The following TAFA4 variants were observed in gnomAD, a reference collection of about 807,000 sequenced individuals.
TAFA4 encodes TAFA chemokine like family member 4, also known as chemokine-like protein TAFA-4.
TAFA4 carries 20 observed loss-of-function variants against 21.1 expected under a neutral mutation model. The observed-to-expected ratio is 0.95, with a 90% CI of 0.67 to 1.38. The LOEUF is 1.38. Ranked by LOEUF, TAFA4 falls within the 40% of genes most tolerant of loss-of-function variation. The pLI is 0.00. For synonymous variants in TAFA4, 71 were observed against 67.4 expected (o/e 1.05, Z -0.26); for missense variants, 211 against 180.9 (o/e 1.17, Z -0.95).
rs145637304 is a variant in TAFA4 at position 68,909,427 on chromosome 3, G to C, written c.-123+22813C>G. Among the ~76,000 whole-genome samples the C allele has an allele frequency of 3.8e-3, 582 of 152,206 alleles. 6 individuals carry two copies. Among genetic ancestry groups the C allele is most frequent in the African/African-American group, 0.014 (561 of 41,518 alleles). ...CACCTAGCACCTAACACAGTGCCTG[G>C]CACCAAGTAGTCCCTCAGTAAATAT... On this transcript the variant is annotated intron_variant, in intron 1 of 5. Transcript: ENST00000295569.
chr3:68,917,753 C>CAAAAAAAAAAAAAA (rs55853026), intron 1 of TAFA4, among the ~76,000 whole-genome samples: 139 of 57,924 alleles, frequency 2.4e-3, no homozygotes, highest in Non-Finnish European at 3.6e-3. Flanking sequence ...GACTCTGTCT[C>CAAAAAAAAAAAAAA]AAAAAAAAAA....
intron 3 of TAFA4, among the ~76,000 whole-genome samples, chr3:68,816,275 C>A (rs1703972661): frequency 6.6e-6 from 1 of 152,094 alleles, no homozygotes; most frequent in Non-Finnish European, 1.5e-5. Context: ...TGTAACAAAC[C>A]TGCACGTTGT....
rs75408567 is a variant in TAFA4 at position 68,873,730 on chromosome 3, T to C, written c.130+7000A>G. 7.8e-3 allele frequency among the ~76,000 whole-genome samples: 1,183 copies of C among 152,296 alleles called. 12 individuals carry two copies. Among genetic ancestry groups the C allele is most frequent in the African/African-American group, 0.027 (1,130 of 41,562 alleles). On this transcript the variant is annotated intron_variant, in intron 3 of 5. Transcript: ENST00000295569. ...GCCACTTGAAAGACAAGCCTCCCAC[T>C]ATTTCTTGCAAATGCTTTCTAAACA...
chr3:68,873,427 T>C (rs984013128), intron 3 of TAFA4, among the ~76,000 whole-genome samples: 3 of 150,816 alleles, frequency 2.0e-5, no homozygotes, highest in African/African-American at 7.3e-5. Context: ...GTTTCCAATT[T>C]CTAGATGGTA....
At chr3:68,848,328 A>C (rs1704858388) in intron 3 of TAFA4, among the ~76,000 whole-genome samples, 1 of 152,180 alleles carries the variant, frequency 6.6e-6, no homozygotes, top group African/African-American at 2.4e-5. Context: ...GGGATGAGAG[A>C]CAATGAATCA....
At chr3:68,740,910 C>G (rs912918162) in intron 4 of TAFA4, among the ~76,000 whole-genome samples, 10 of 152,156 alleles carry the variant, frequency 6.6e-5, no homozygotes, top group African/African-American at 2.2e-4. Flanking sequence ...ACTATCCTTT[C>G]CCCATTGTGT....
At chr3:68,754,013 A>C (rs1185419948) in intron 3 of TAFA4, among the ~76,000 whole-genome samples, 1 of 152,220 alleles carries the variant, frequency 6.6e-6, no homozygotes. Context: ...TTGCTGTTGT[A>C]ACAGACTTCA....
chr3:68,844,711 T>A (rs948241619), intron 3 of TAFA4, among the ~76,000 whole-genome samples: 5 of 152,222 alleles, frequency 3.3e-5, no homozygotes, highest in African/African-American at 1.2e-4. Context: ...GATTCTGGAA[T>A]GTTGTGTCTT....
chr3:68,818,884 C>T (rs950432299), intron 3 of TAFA4, among the ~76,000 whole-genome samples: 32 of 152,190 alleles, frequency 2.1e-4, no homozygotes, highest in African/African-American at 7.5e-4. Flanking sequence ...CCAAATGGGA[C>T]ATAGATACAT....
chr3:68,870,581 T>C (rs978870667), intron 3 of TAFA4, among the ~76,000 whole-genome samples: 12 of 152,094 alleles, frequency 7.9e-5, no homozygotes, highest in African/African-American at 2.4e-4. Flanking sequence ...TTTTAATTTT[T>C]ATTTTACTTT....
intron 3 of TAFA4, among the ~76,000 whole-genome samples, chr3:68,862,640 C>A (rs2089360490): frequency 6.6e-6 from 1 of 152,006 alleles, no homozygotes; most frequent in Admixed American, 6.6e-5. Flanking sequence ...CCCTTGCCAC[C>A]TTCTGAGCTA....
At chr3:68,870,208 C>A (rs1181603218) in intron 3 of TAFA4, among the ~76,000 whole-genome samples, 1 of 151,806 alleles carries the variant, frequency 6.6e-6, no homozygotes, top group East Asian at 1.9e-4. Context: ...AGAAGACACA[C>A]AAAAAAAGAA....
chr3:68,772,207 G>A (rs1702970560), intron 3 of TAFA4, among the ~76,000 whole-genome samples: 1 of 152,188 alleles, frequency 6.6e-6, no homozygotes, highest in South Asian at 2.1e-4. Context: ...CAGATGATTG[G>A]TAAATGAGTT....
chr3:68,846,421 T>A (rs1164549049), intron 3 of TAFA4, among the ~76,000 whole-genome samples: 2 of 152,050 alleles, frequency 1.3e-5, no homozygotes, highest in Non-Finnish European at 2.9e-5. Flanking sequence ...TCATCTAACC[T>A]TTTTTCAAGG....
At chr3:68,781,438 A>G (rs1311565251) in intron 3 of TAFA4, among the ~76,000 whole-genome samples, 1 of 152,044 alleles carries the variant, frequency 6.6e-6, no homozygotes, top group Non-Finnish European at 1.5e-5. Flanking sequence ...AATAACAAAA[A>G]GGGAAACATC....
intron 3 of TAFA4, among the ~76,000 whole-genome samples, chr3:68,839,336 C>T (rs190698377): frequency 6.6e-6 from 1 of 152,254 alleles, no homozygotes; most frequent in East Asian, 1.9e-4. Flanking sequence ...GTTTCAGATA[C>T]AGCAAGACTT....
chr3:68,767,704 T>C (rs1030073778), intron 3 of TAFA4, among the ~76,000 whole-genome samples: 1 of 152,028 alleles, frequency 6.6e-6, no homozygotes, highest in African/African-American at 2.4e-5. Flanking sequence ...GATTATATAT[T>C]TCAAAATCTA....
chr3:68,894,803 G>A (rs929208751), intron 1 of TAFA4, among the ~76,000 whole-genome samples: 1 of 152,156 alleles, frequency 6.6e-6, no homozygotes, highest in Non-Finnish European at 1.5e-5. Context: ...AACAGTAAAA[G>A]TAAAGATGGA....
rs545079079 is a variant in TAFA4 at position 68,749,588 on chromosome 3, A to G, written c.286+3275T>C. On this transcript the variant is annotated intron_variant, in intron 4 of 5. Transcript: ENST00000295569. Reference sequence around the variant, plus strand: ...GAAGAGATCAAAGAGAGATGAAATCAGACATACATCCCAACCAAAGCTTAA... The same window carrying G: ...GAAGAGATCAAAGAGAGATGAAATCGGACATACATCCCAACCAAAGCTTAA... Among the ~76,000 whole-genome samples, 4 of 152,364 alleles carry G rather than the reference A, an allele frequency of 2.6e-5. No homozygotes were observed. The South Asian group carries it at 6.2e-4, about 24-fold the overall frequency.
Sources: allele counts gnomAD v4.1 joint callset (sites outside exome capture counted in the v4.1 genomes callset), GRCh38; gene constraint gnomAD v4.1.1; transcripts MANE v1.5; gene names NCBI Gene and HGNC (gene_info 2026-07-23, HGNC 2026-07-21).